Variants in PPP2R5C observed in about 807,000 individuals in gnomAD.
The protein encoded by PPP2R5C is protein phosphatase 2 regulatory subunit B'gamma, also known as serine/threonine-protein phosphatase 2A 56 kDa regulatory subunit gamma isoform.
PPP2R5C carries 7 observed loss-of-function variants against 68.9 expected under a neutral mutation model. The ratio of observed to expected loss-of-function variants is 0.10; its 90% CI spans 0.06 to 0.19. The LOEUF (loss-of-function observed/expected upper bound fraction) is 0.19, where lower values mean the gene tolerates loss of function less well. Among genes scored for constraint, PPP2R5C ranks in the 10% least tolerant of loss-of-function variants. The probability of loss-of-function intolerance (pLI) is 1.00; values close to 1 mark genes in which losing one functional copy is unlikely to be tolerated. For missense variants in PPP2R5C, 348 were observed against 641.3 expected (o/e 0.54, Z 4.94); for synonymous variants, 210 against 222.2 (o/e 0.95, Z 0.49).
At chr14:101,769,229 A>C (rs1336511141) in intron 2 of PPP2R5C, among the ~76,000 whole-genome samples, 4 of 151,660 alleles carry the variant, frequency 2.6e-5, no homozygotes, top group Non-Finnish European at 4.4e-5. Context: ...AAATGCTTAT[A>C]GCAATTACTT....
intron 1 of PPP2R5C, among the ~76,000 whole-genome samples, chr14:101,853,865 G>A (rs1299293745): frequency 2.6e-5 from 4 of 152,134 alleles, no homozygotes; most frequent in Non-Finnish European, 5.9e-5. Flanking sequence ...GCATAGCGTG[G>A]CTCTTAGGGA....
intron 2 of PPP2R5C, among the ~76,000 whole-genome samples, chr14:101,878,536 C>T (rs1473907993): frequency 6.6e-6 from 1 of 152,188 alleles, no homozygotes; most frequent in East Asian, 1.9e-4. Context: ...GACTGGGTGC[C>T]TCAGTCAGGG....
chr14:101,864,528 C>T (rs2042941573), intron 2 of PPP2R5C, among the ~76,000 whole-genome samples: 1 of 152,124 alleles, frequency 6.6e-6, no homozygotes, highest in African/African-American at 2.4e-5. Flanking sequence ...ACTGCGGTGG[C>T]GGTCAGTGTA....
chr14:101,909,753 C>A lies in PPP2R5C; in HGVS notation c.1253+63C>A, dbSNP rs1034319961. 4 of 1,241,044 alleles carry A rather than the reference C, an allele frequency of 3.2e-6. 1 individual carries two copies. The highest frequency in any genetic ancestry group is 1.4e-5 in the South Asian group (1 of 72,428). 76.9% of individuals were successfully genotyped at this position (1,241,044 alleles called of 1,614,324 possible). Reference sequence around the variant, plus strand: ...TTTTTTCTTAATCCTAAGTAAACCTCTTCCACTGTTTTGTCCTAAAACGGT... The same window carrying A: ...TTTTTTCTTAATCCTAAGTAAACCTATTCCACTGTTTTGTCCTAAAACGGT... On this transcript the variant is annotated intron_variant, in intron 11 of 13. Transcript: ENST00000334743.
intron 12 of PPP2R5C, chr14:101,914,361 G>A: frequency 7.1e-6 from 2 of 279,972 alleles, no homozygotes; most frequent in South Asian, 3.2e-5. Flanking sequence ...CCTCAGAGCT[G>A]GAAACTCTGG....
chr14:101,789,370 C>G (rs1278449018), intron 3 of PPP2R5C, among the ~76,000 whole-genome samples: 1 of 152,210 alleles, frequency 6.6e-6, no homozygotes, highest in Non-Finnish European at 1.5e-5. Context: ...CTCCGGAGTC[C>G]AAGCTCACAG....
At position 101,912,102 on chromosome 14, in the gene PPP2R5C, G is replaced by C. The variant is rs187149679; in HGVS notation, c.1254-299G>C. On this transcript the variant is annotated intron_variant, in intron 11 of 13. Transcript: ENST00000334743. Reference sequence around the variant, plus strand: ...ATGAGCTTCTTGTCAAAATTATGTGGGTCCCATGAAGAAACATCTAACCAG... The same window carrying C: ...ATGAGCTTCTTGTCAAAATTATGTGCGTCCCATGAAGAAACATCTAACCAG... 1.2e-4 allele frequency among the ~76,000 whole-genome samples: 18 copies of C among 152,214 alleles called. No individual in the cohort carries two copies. The East Asian group carries it at 3.5e-3, about 29-fold the overall frequency.
chr14:101,852,339 A>C (rs567950420), intron 1 of PPP2R5C, among the ~76,000 whole-genome samples: 504 of 152,320 alleles, frequency 3.3e-3, no homozygotes, highest in Non-Finnish European at 5.1e-3. Context: ...GAATGCTCCC[A>C]GCCTACTTTA....
chr14:101,824,671 A>G (rs1024612910), intron 1 of PPP2R5C, among the ~76,000 whole-genome samples: 7 of 152,240 alleles, frequency 4.6e-5, no homozygotes, highest in African/African-American at 1.7e-4. Context: ...ATGTCCACCT[A>G]AAGCTGTATT....
chr14:101,852,469 C>CTTTTTTTTTTTTTTTTT (rs559509845), intron 1 of PPP2R5C, among the ~76,000 whole-genome samples: 3 of 115,106 alleles, frequency 2.6e-5, no homozygotes, highest in African/African-American at 6.6e-5. Context: ...TTTTCTTTTT[C>CTTTTTTTTTTTTTTTTT]TTTTTTTTTT....
intron 5 of PPP2R5C, among the ~76,000 whole-genome samples, chr14:101,889,022 A>G (rs1267267794): frequency 2.0e-5 from 3 of 152,062 alleles, no homozygotes; most frequent in Non-Finnish European, 1.5e-5. Context: ...AAAAAAAAAA[A>G]TCTGTGAAAA....
chr14:101,773,421 A>G (rs2037255516), intron 2 of PPP2R5C, among the ~76,000 whole-genome samples: 1 of 152,062 alleles, frequency 6.6e-6, no homozygotes, highest in Non-Finnish European at 1.5e-5. Flanking sequence ...AGATGACATG[A>G]AAAGTGAAAT....
intron 3 of PPP2R5C, among the ~76,000 whole-genome samples, chr14:101,802,242 G>A (rs2038893717): frequency 1.3e-5 from 2 of 152,176 alleles, no homozygotes; most frequent in South Asian, 2.1e-4. Flanking sequence ...GTGAAACCCC[G>A]TCTGTATTAA....
Position 101,899,396 on chromosome 14 carries a change from G to A in PPP2R5C, c.853-2323G>A, listed in dbSNP as rs1001304097. 6.6e-6 allele frequency among the ~76,000 whole-genome samples: 1 copy of A among 152,172 alleles called. No homozygotes were observed. The highest frequency in any genetic ancestry group is 2.4e-5 in the African/African-American group (1 of 41,444). On this transcript the variant is annotated intron_variant, in intron 8 of 13. Transcript: ENST00000334743. This position sits in a 1 kb window ranked among gnomAD's most constrained non-coding sequence, Gnocchi z 4.2. ...TCCTTGGGCTTCCAAAGGAAAACTCGGGGCCTTGTGCTGCACCCAGCAGCA... is the reference window on the plus strand; with the variant it reads ...TCCTTGGGCTTCCAAAGGAAAACTCAGGGCCTTGTGCTGCACCCAGCAGCA...
At chr14:101,901,026 A>T (rs1052057677) in intron 8 of PPP2R5C, among the ~76,000 whole-genome samples, 11 of 152,272 alleles carry the variant, frequency 7.2e-5, no homozygotes, top group African/African-American at 2.7e-4. Flanking sequence ...CTTAATTCAC[A>T]TCACTCCTTT....
chr14:101,777,970 A>C (rs1419461666), intron 2 of PPP2R5C, among the ~76,000 whole-genome samples: 1 of 151,740 alleles, frequency 6.6e-6, no homozygotes, highest in Non-Finnish European at 1.5e-5. Context: ...GGGTCTCACT[A>C]TATTGCCCAG....
At position 101,899,205 on chromosome 14, in the gene PPP2R5C, A is replaced by G. The variant is rs1208155889; in HGVS notation, c.853-2514A>G. Among the ~76,000 whole-genome samples the G allele has an allele frequency of 6.6e-6, 1 of 152,188 alleles. No homozygotes were observed. Among genetic ancestry groups the G allele is most frequent in the Non-Finnish European group, 1.5e-5 (1 of 68,024 alleles). On this transcript the variant is annotated intron_variant, in intron 8 of 13. Coordinates refer to ENST00000334743, the Ensembl canonical transcript of PPP2R5C. The surrounding 1 kb of genome is among the most constrained non-coding windows in gnomAD (Gnocchi z 4.2). Reference sequence around the variant, plus strand: ...CTCATCAGAGATTTTACAGAAGTAAAACTGTGTTCCGTTTTCACCCACCTG... The same window carrying G: ...CTCATCAGAGATTTTACAGAAGTAAGACTGTGTTCCGTTTTCACCCACCTG...
chr14:101,844,331 C>G (rs2041689332), intron 1 of PPP2R5C, among the ~76,000 whole-genome samples: 1 of 152,094 alleles, frequency 6.6e-6, no homozygotes, highest in Non-Finnish European at 1.5e-5. Context: ...TCTGTCTCAC[C>G]TCCCCAGAGA....
At position 101,882,512 on chromosome 14, in the gene PPP2R5C, C is replaced by T. The variant is rs942418359; in HGVS notation, c.405+241C>T. ...TGAGTATGTTCTCAGTGAAGATGGCCGCTGTGTTGATGGCCGTTGAATTGA... is the reference window on the plus strand; with the variant it reads ...TGAGTATGTTCTCAGTGAAGATGGCTGCTGTGTTGATGGCCGTTGAATTGA... On this transcript the variant is annotated intron_variant, in intron 3 of 13. Transcript: ENST00000334743. The surrounding 1 kb of genome is among the most constrained non-coding windows in gnomAD (Gnocchi z 4.9). The T allele has an allele frequency of 2.5e-5, 9 of 367,132 alleles. No individual in the cohort carries two copies. Among genetic ancestry groups the T allele is most frequent in the African/African-American group, 1.0e-4 (5 of 47,822 alleles). The allele number at this position is 367,132 out of a possible 1,614,324, so 22.7% of individuals were successfully genotyped here. A position where few individuals can be genotyped will look rare whatever the true frequency, so the allele number is the denominator to read the frequency against.
Sources: allele counts gnomAD v4.1 joint callset (sites outside exome capture counted in the v4.1 genomes callset), GRCh38; gene constraint gnomAD v4.1.1; non-coding constraint Gnocchi (gnomAD v3.1); transcripts MANE v1.5; gene names NCBI Gene and HGNC (gene_info 2026-07-23, HGNC 2026-07-21).